Variants in CLSTN2 observed in about 807,000 individuals in gnomAD.
CLSTN2 encodes calsyntenin 2, also known as calsyntenin-2.
CLSTN2 carries 48 observed loss-of-function variants against 101.2 expected under a neutral mutation model. That is an observed-to-expected ratio of 0.47 (90% CI 0.38 to 0.60). The LOEUF (loss-of-function observed/expected upper bound fraction) is 0.60. Ranked by LOEUF, CLSTN2 falls within the 20% of genes least tolerant of loss-of-function variation. CLSTN2 has a pLI of 0.00. For synonymous variants in CLSTN2, 481 were observed against 463.6 expected, an observed-to-expected ratio of 1.04 and a Z score of -0.48; for missense variants, 1,160 against 1,238.2, an observed-to-expected ratio of 0.94 and a Z score of 0.95.
intron 2 of CLSTN2, among the ~76,000 whole-genome samples, chr3:140,337,383 A>T (rs1416601440): frequency 1.3e-5 from 2 of 152,054 alleles, no homozygotes; most frequent in Non-Finnish European, 2.9e-5. Flanking sequence ...CTGTGTCTTT[A>T]TATTGTCTTC....
chr3:140,082,869 C>T (rs1002540092), intron 1 of CLSTN2, among the ~76,000 whole-genome samples: 2 of 152,152 alleles, frequency 1.3e-5, no homozygotes, highest in African/African-American at 2.4e-5. Context: ...ATATATTCTC[C>T]ATCTTTGCCT....
chr3:140,146,382 TGTTG>T (rs2009781209), intron 1 of CLSTN2, among the ~76,000 whole-genome samples: 1 of 152,160 alleles, frequency 6.6e-6, no homozygotes. Context: ...AGCAAAGCAT[TGTTG>T]GTTGGTTGCT....
At chr3:139,939,894 G>A (rs62271923) in intron 1 of CLSTN2, among the ~76,000 whole-genome samples, 7 of 152,174 alleles carry the variant, frequency 4.6e-5, no homozygotes, top group Non-Finnish European at 1.0e-4. Flanking sequence ...ATCCTGAAAC[G>A]CCTGTGGTTC....
At chr3:140,256,863 T>C (rs1319932494) in intron 2 of CLSTN2, among the ~76,000 whole-genome samples, 1 of 152,202 alleles carries the variant, frequency 6.6e-6, no homozygotes, top group African/African-American at 2.4e-5. Flanking sequence ...TAAATTTACA[T>C]TCTGATTCAA....
intron 1 of CLSTN2, among the ~76,000 whole-genome samples, chr3:140,084,731 A>G (rs1036499953): frequency 1.6e-4 from 21 of 131,384 alleles, no homozygotes; most frequent in African/African-American, 5.9e-4. Flanking sequence ...ATTCTAAGGG[A>G]TTCAGGGAAG....
chr3:140,382,530 T>C (rs1486171669), intron 2 of CLSTN2, among the ~76,000 whole-genome samples: 1 of 152,228 alleles, frequency 6.6e-6, no homozygotes, highest in African/African-American at 2.4e-5. Flanking sequence ...TAATCACTCC[T>C]ACAGCCAGTG....
intron 5 of CLSTN2, 86 bp downstream of exon 5, chr3:140,421,360 C>A: frequency 6.7e-7 from 1 of 1,495,990 alleles, no homozygotes; most frequent in Non-Finnish European, 9.1e-7. Context: ...CATCACAACA[C>A]ATAACTTTTT....
chr3:139,998,509 A>AT (rs1451416705), intron 1 of CLSTN2, among the ~76,000 whole-genome samples: 16 of 147,014 alleles, frequency 1.1e-4, no homozygotes, highest in Middle Eastern at 3.5e-3. Flanking sequence ...CGCCTGGCTA[A>AT]TTTTTTTTGT....
intron 2 of CLSTN2, among the ~76,000 whole-genome samples, chr3:140,353,884 T>C (rs1188523627): frequency 6.6e-6 from 1 of 152,184 alleles, no homozygotes; most frequent in Non-Finnish European, 1.5e-5. Flanking sequence ...TGCTTTGTGA[T>C]TGTAGGCAGA....
intron 2 of CLSTN2, among the ~76,000 whole-genome samples, chr3:140,269,760 C>T (rs893381552): frequency 3.3e-5 from 5 of 152,152 alleles, no homozygotes; most frequent in African/African-American, 1.2e-4. Flanking sequence ...GTACTTCTGA[C>T]CCCAGGGGAT....
intron 1 of CLSTN2, among the ~76,000 whole-genome samples, chr3:140,014,365 C>A (rs905449129): frequency 2.0e-5 from 3 of 152,178 alleles, no homozygotes; most frequent in Admixed American, 6.5e-5. Flanking sequence ...AGTACAGGTG[C>A]ATGCTACCAT....
chr3:140,312,180 G>C (rs2087175634), intron 2 of CLSTN2, among the ~76,000 whole-genome samples: 1 of 152,168 alleles, frequency 6.6e-6, no homozygotes, highest in Non-Finnish European at 1.5e-5. Context: ...TTTCCTCTGT[G>C]CTAGTTTTTC....
chr3:140,517,486 C>G (rs1039256285), intron 8 of CLSTN2, among the ~76,000 whole-genome samples: 1 of 152,166 alleles, frequency 6.6e-6, no homozygotes, highest in African/African-American at 2.4e-5. Context: ...GGCTGCTGTT[C>G]AGATTTTTTT....
intron 12 of CLSTN2, among the ~76,000 whole-genome samples, chr3:140,561,349 C>T (rs1935910882): frequency 6.6e-6 from 1 of 152,116 alleles, no homozygotes; most frequent in African/African-American, 2.4e-5. Flanking sequence ...CAGTCGCCTT[C>T]TTAAGATGGG....
At chr3:140,353,351 C>T (rs1257746476) in intron 2 of CLSTN2, among the ~76,000 whole-genome samples, 15 of 151,840 alleles carry the variant, frequency 9.9e-5, no homozygotes, top group Admixed American at 9.2e-4. Context: ...AGTCCAAGTT[C>T]CAAAACTGAA....
At chr3:140,342,163 ACT>A (rs1446006959) in intron 2 of CLSTN2, among the ~76,000 whole-genome samples, 7 of 152,036 alleles carry the variant, frequency 4.6e-5, no homozygotes, top group Non-Finnish European at 8.8e-5. Context: ...TCTAAAGCAG[ACT>A]CTCTCAACCT....
chr3:140,467,749 T>C (rs1179557486), intron 8 of CLSTN2, among the ~76,000 whole-genome samples: 3 of 152,120 alleles, frequency 2.0e-5, no homozygotes, highest in African/African-American at 7.2e-5. Flanking sequence ...TCCATCCTTG[T>C]TACTATATCT....
At chr3:140,277,698 C>T (rs918833506) in intron 2 of CLSTN2, among the ~76,000 whole-genome samples, 7 of 152,090 alleles carry the variant, frequency 4.6e-5, no homozygotes, top group Non-Finnish European at 7.4e-5. Context: ...TACTTTGCCA[C>T]TTAATAAAGC....
chr3:140,145,736 G>A (rs2009771522), intron 1 of CLSTN2, among the ~76,000 whole-genome samples: 1 of 152,178 alleles, frequency 6.6e-6, no homozygotes, highest in African/African-American at 2.4e-5. Flanking sequence ...TCAGCCTTCT[G>A]CAATTTAACA....
Sources: allele counts gnomAD v4.1 joint callset (sites outside exome capture counted in the v4.1 genomes callset), GRCh38; gene constraint gnomAD v4.1.1; transcripts MANE v1.5; gene names NCBI Gene and HGNC (gene_info 2026-07-23, HGNC 2026-07-21).